CTNND2: variants seen among roughly 807,000 people sequenced by gnomAD.
CTNND2 encodes catenin delta 2.
In CTNND2, 22 loss-of-function variants were observed where a neutral mutation model predicts 144.4. That is an observed-to-expected ratio of 0.15 (90% CI 0.11 to 0.22). The LOEUF is 0.22. Among genes scored for constraint, CTNND2 ranks in the 10% least tolerant of loss-of-function variants. The pLI is 1.00. For missense variants in CTNND2, 1,353 were observed against 1,618.8 expected, an observed-to-expected ratio of 0.84 and a Z score of 2.82; for synonymous variants, 751 against 695.6, an observed-to-expected ratio of 1.08 and a Z score of -1.25.
At chr5:11,557,349 C>G (rs1776310005) in intron 3 of CTNND2, among the ~76,000 whole-genome samples, 1 of 152,160 alleles carries the variant, frequency 6.6e-6, no homozygotes, top group Non-Finnish European at 1.5e-5. Context: ...ACTTTCTCTT[C>G]TGCAGGTTCT....
At position 11,012,036 on chromosome 5, in the gene CTNND2, G is replaced by A. The variant is rs574211794; in HGVS notation, c.3084+5938C>T. ...AATCCTCAGATCCAAACCTTCAGCT[G>A]CCTGTGGACAGGATGGCAGAGACGG... is the stretch of plus-strand genomic sequence containing the variant. On this transcript the variant is annotated intron_variant, in intron 18 of 21. Transcript: ENST00000304623. Among the ~76,000 whole-genome samples, 8 of 152,332 alleles carry A rather than the reference G, an allele frequency of 5.3e-5. No homozygotes were observed. In the South Asian group the frequency reaches 1.5e-3, roughly 28 times the overall value.
intron 2 of CTNND2, among the ~76,000 whole-genome samples, chr5:11,689,134 C>T (rs1784784254): frequency 6.6e-6 from 1 of 152,192 alleles, no homozygotes; most frequent in South Asian, 2.1e-4. Flanking sequence ...CATAGGGCAG[C>T]TGTAGCACCA....
At chr5:11,801,627 C>A (rs919560749) in intron 1 of CTNND2, among the ~76,000 whole-genome samples, 2 of 152,098 alleles carry the variant, frequency 1.3e-5, no homozygotes, top group Non-Finnish European at 2.9e-5. Context: ...AGGCAGCAAC[C>A]AATTTTTTTT....
chr5:11,352,082 C>T (rs1223334145), intron 8 of CTNND2, among the ~76,000 whole-genome samples: 1 of 152,160 alleles, frequency 6.6e-6, no homozygotes. Context: ...TGGAAAAATA[C>T]TCAAGGGTAA....
chr5:11,838,418 G>A lies in CTNND2; in HGVS notation c.37+65399C>T, dbSNP rs191058018. Among the ~76,000 whole-genome samples, 239 of 152,170 alleles carry A rather than the reference G, an allele frequency of 1.6e-3. 3 individuals carry two copies. The highest frequency in any genetic ancestry group is 5.1e-3 in the African/African-American group (212 of 41,520). ...CCAGAGTAGTGGTTCTCAAACTTCG[G>A]GCAATCTGACAAAAATACAGAGGTT... is the stretch of plus-strand genomic sequence containing the variant. On this transcript the variant is annotated intron_variant, in intron 1 of 21. Coordinates refer to ENST00000304623, the MANE Select transcript of CTNND2 (RefSeq NM_001332.4).
At chr5:11,304,951 TCC>T (rs1750025609) in intron 9 of CTNND2, among the ~76,000 whole-genome samples, 2 of 70,870 alleles carry the variant, frequency 2.8e-5, no homozygotes, top group South Asian at 1.1e-3. Flanking sequence ...TTTATGTGCT[TCC>T]TTGCTTGCTT....
intron 3 of CTNND2, among the ~76,000 whole-genome samples, chr5:11,453,347 A>G (rs1396735394): frequency 6.6e-6 from 1 of 152,244 alleles, no homozygotes; most frequent in Non-Finnish European, 1.5e-5. Context: ...CTGCAGCACT[A>G]GAAGCTGTCC....
intron 1 of CTNND2, among the ~76,000 whole-genome samples, chr5:11,900,026 T>C (rs932604069): frequency 1.3e-5 from 2 of 152,206 alleles, no homozygotes; most frequent in Middle Eastern, 3.2e-3. Context: ...TGTGTGTGTG[T>C]ATGTGTAACT....
intron 2 of CTNND2, among the ~76,000 whole-genome samples, chr5:11,682,887 G>T (rs1254498944): frequency 1.3e-5 from 2 of 152,120 alleles, no homozygotes; most frequent in Admixed American, 6.6e-5. Flanking sequence ...AAATATTACA[G>T]AAATATGCAA....
intron 3 of CTNND2, among the ~76,000 whole-genome samples, chr5:11,501,588 G>T (rs969707430): frequency 6.6e-6 from 1 of 152,168 alleles, no homozygotes; most frequent in Non-Finnish European, 1.5e-5. Context: ...GAATGTTTAC[G>T]TTGTCGCTCC....
intron 1 of CTNND2, among the ~76,000 whole-genome samples, chr5:11,739,281 A>G (rs1241442060): frequency 3.3e-5 from 5 of 152,132 alleles, no homozygotes; most frequent in Non-Finnish European, 2.9e-5. Context: ...GGATAATTGG[A>G]AGGCAGAACT....
chr5:11,701,062 G>C (rs1410017085), intron 2 of CTNND2, among the ~76,000 whole-genome samples: 1 of 152,184 alleles, frequency 6.6e-6, no homozygotes, highest in East Asian at 1.9e-4. Flanking sequence ...GATTACCTGA[G>C]ACCCATTCTG....
At chr5:11,708,882 T>C (rs1033714526) in intron 2 of CTNND2, among the ~76,000 whole-genome samples, 4 of 152,238 alleles carry the variant, frequency 2.6e-5, no homozygotes, top group African/African-American at 9.6e-5. Flanking sequence ...TCTATAGTTA[T>C]GTCTTTGTGA....
At chr5:11,160,882 C>T (rs1206184349) in intron 11 of CTNND2, among the ~76,000 whole-genome samples, 1 of 152,010 alleles carries the variant, frequency 6.6e-6, no homozygotes, top group Non-Finnish European at 1.5e-5. Context: ...TTGAACTATC[C>T]AAGGACATTA....
intron 1 of CTNND2, among the ~76,000 whole-genome samples, chr5:11,842,857 G>A (rs1050041004): frequency 6.6e-6 from 1 of 151,890 alleles, no homozygotes; most frequent in East Asian, 1.9e-4. Context: ...TTTTTCATGT[G>A]GCTACTAGAA....
intron 9 of CTNND2, among the ~76,000 whole-genome samples, chr5:11,274,389 T>C (rs148991977): frequency 6.6e-6 from 1 of 152,310 alleles, no homozygotes; most frequent in East Asian, 1.9e-4. Context: ...CTTTTTCATA[T>C]GAAAGGACCA....
At chr5:11,739,868 C>A (rs1787897516) in intron 1 of CTNND2, among the ~76,000 whole-genome samples, 1 of 152,110 alleles carries the variant, frequency 6.6e-6, no homozygotes, top group Non-Finnish European at 1.5e-5. Flanking sequence ...AATCACTGTG[C>A]AAAAATCACA....
At chr5:11,527,339 G>A (rs1471168630) in intron 3 of CTNND2, among the ~76,000 whole-genome samples, 1 of 152,132 alleles carries the variant, frequency 6.6e-6, no homozygotes. Flanking sequence ...ACTCAGGCAG[G>A]CTGGCGCCAG....
chr5:11,297,308 A>T (rs919393458), intron 9 of CTNND2, among the ~76,000 whole-genome samples: 1 of 152,216 alleles, frequency 6.6e-6, no homozygotes, highest in African/African-American at 2.4e-5. Flanking sequence ...AATTGTCTAA[A>T]AAGCTTTGAA....
Sources: allele counts gnomAD v4.1 joint callset (sites outside exome capture counted in the v4.1 genomes callset), GRCh38; gene constraint gnomAD v4.1.1; transcripts MANE v1.5; gene names NCBI Gene and HGNC (gene_info 2026-07-23, HGNC 2026-07-21).